PPP2R5C: variants seen among roughly 807,000 people sequenced by gnomAD.
PPP2R5C encodes the protein protein phosphatase 2 regulatory subunit B'gamma.
In PPP2R5C, 7 loss-of-function variants were observed where a neutral mutation model predicts 68.9. The observed-to-expected ratio is 0.10, with a 90% CI of 0.06 to 0.19. PPP2R5C has a LOEUF of 0.19. Ranked by LOEUF, PPP2R5C falls within the 10% of genes least tolerant of loss-of-function variation. The pLI is 1.00. For missense variants in PPP2R5C, 348 were observed against 641.3 expected (o/e 0.54, Z 4.94); for synonymous variants, 210 against 222.2 (o/e 0.95, Z 0.49).
Position 101,916,971 on chromosome 14 carries a change from AAAC to A in PPP2R5C, c.1327-858_1327-856del, listed in dbSNP as rs2046706839. Among the ~76,000 whole-genome samples, 1 of 152,120 alleles carries A rather than the reference AAAC, an allele frequency of 6.6e-6. No individual in the cohort carries two copies. The highest frequency in any genetic ancestry group is 1.5e-5 in the Non-Finnish European group (1 of 68,008). On this transcript the variant is annotated intron_variant, in intron 12 of 13. Transcript: ENST00000334743. The surrounding 1 kb of genome is among the most constrained non-coding windows in gnomAD (Gnocchi z 5.5). The stretch of plus-strand genomic sequence containing the variant: ...GTACACACACACGACCACGCAGGAC[AAAC>A]AGGCGCCCCACACAGTTCCCAGCTC...
At chr14:101,810,007 T>A (rs772434895) in exon 1 of PPP2R5C, 59 of 1,613,888 alleles carry the variant, frequency 3.7e-5, no homozygotes, top group Non-Finnish European at 4.9e-5. Flanking sequence ...AATGGGCCTT[T>A]CCAGCCCGTG....
At chr14:101,776,882 T>C (rs926522321) in intron 2 of PPP2R5C, among the ~76,000 whole-genome samples, 2 of 129,604 alleles carry the variant, frequency 1.5e-5, no homozygotes, top group African/African-American at 6.4e-5. Context: ...CCTCATTCCC[T>C]TTTTTTTTTT....
At chr14:101,827,445 C>T (rs1245440089) in intron 1 of PPP2R5C, among the ~76,000 whole-genome samples, 1 of 152,120 alleles carries the variant, frequency 6.6e-6, no homozygotes, top group African/African-American at 2.4e-5. Context: ...ATCTTGTTTC[C>T]TTAACTGTCT....
intron 1 of PPP2R5C, among the ~76,000 whole-genome samples, chr14:101,853,160 C>A (rs779777517): frequency 1.6e-4 from 24 of 147,878 alleles, no homozygotes; most frequent in Admixed American, 2.7e-4. Context: ...AACTTGTATT[C>A]AAAAAAAAAT....
At position 101,913,715 on chromosome 14, in the gene PPP2R5C, C is replaced by T. The variant is rs1436691802; in HGVS notation, c.1326+1242C>T. Among the ~76,000 whole-genome samples the T allele has an allele frequency of 6.6e-6, 1 of 152,148 alleles. No homozygotes were observed. The highest frequency in any genetic ancestry group is 2.4e-5 in the African/African-American group (1 of 41,438). On this transcript the variant is annotated intron_variant, in intron 12 of 13. Coordinates refer to ENST00000334743, the Ensembl canonical transcript of PPP2R5C. The surrounding 1 kb of genome is among the most constrained non-coding windows in gnomAD (Gnocchi z 4.1). ...AACATGGTAACACTATAAACCTGGG[C>T]AAGTTTATAAGGCCCAGCCCTGCCT...
chr14:101,768,515 AT>A (rs890892644), intron 2 of PPP2R5C, among the ~76,000 whole-genome samples: 18 of 149,508 alleles, frequency 1.2e-4, no homozygotes, highest in Admixed American at 2.0e-4. Flanking sequence ...TGTGGAAAGA[AT>A]TTTTTTTTTT....
chr14:101,893,636 G>C (rs112423665), intron 7 of PPP2R5C, among the ~76,000 whole-genome samples: 3,956 of 152,286 alleles, frequency 0.026, 73 homozygotes, highest in Middle Eastern at 0.092. Flanking sequence ...TGTAATCCCA[G>C]CTCCTCAGGA....
At position 101,771,222 on chromosome 14, in the gene PPP2R5C, C is replaced by CGTGTGTGTGTGT. The variant is rs3993402; in HGVS notation, c.93+8283_93+8294dup. Among the ~76,000 whole-genome samples, 912 of 135,472 alleles carry CGTGTGTGTGTGT rather than the reference C, an allele frequency of 6.7e-3. 9 individuals are homozygous for CGTGTGTGTGTGT. The highest frequency in any genetic ancestry group is 0.011 in the Middle Eastern group (3 of 268). 88.9% of individuals were successfully genotyped at this position (135,472 alleles called of 152,430 possible). ...AGGGCATTTGGCTTTTTCTTCATCT[C>CGTGTGTGTGTGT]GTGTGTGTGTGTGTGTGTGTGTGTG... On this transcript the variant is annotated intron_variant, in intron 2 of 14. Coordinates refer to the PPP2R5C transcript ENST00000328724.
At chr14:101,762,227 G>A (rs1449914718) in intron 1 of PPP2R5C, among the ~76,000 whole-genome samples, 1 of 152,072 alleles carries the variant, frequency 6.6e-6, no homozygotes, top group South Asian at 2.1e-4. Flanking sequence ...TCGGAGGGGC[G>A]CCCGTTTCCG....
intron 3 of PPP2R5C, among the ~76,000 whole-genome samples, chr14:101,793,683 T>C (rs1459475526): frequency 1.3e-5 from 2 of 152,194 alleles, no homozygotes; most frequent in Non-Finnish European, 2.9e-5. Flanking sequence ...AACAGCTCAG[T>C]GGAGGGTCAG....
At chr14:101,807,391 G>GT (rs2039118886), upstream of PPP2R5C, among the ~76,000 whole-genome samples, 1 of 152,116 alleles carries the variant, frequency 6.6e-6, no homozygotes, top group African/African-American at 2.4e-5. Context: ...CAGCTTTATA[G>GT]TTGGTAGGAC....
intron 5 of PPP2R5C, among the ~76,000 whole-genome samples, chr14:101,886,077 C>T (rs943151147): frequency 2.6e-5 from 4 of 151,712 alleles, no homozygotes; most frequent in Non-Finnish European, 5.9e-5. Flanking sequence ...GTCAGGAGAT[C>T]GAGACCATAC....
At chr14:101,865,405 C>G (rs1217690579) in intron 2 of PPP2R5C, among the ~76,000 whole-genome samples, 2 of 152,204 alleles carry the variant, frequency 1.3e-5, no homozygotes, top group African/African-American at 2.4e-5. Flanking sequence ...CCAGAAGAGG[C>G]CTGATGTCTC....
chr14:101,892,903 G>C, intron 6 of PPP2R5C, 97 bp from the exon 9 acceptor site: 1 of 894,768 alleles, frequency 1.1e-6, no homozygotes, highest in Non-Finnish European at 1.7e-6. Flanking sequence ...TGCCTGCTGG[G>C]TTTTGATGGT....
chr14:101,774,152 T>C (rs2037296732), intron 2 of PPP2R5C, among the ~76,000 whole-genome samples: 1 of 152,216 alleles, frequency 6.6e-6, no homozygotes, highest in South Asian at 2.1e-4. Context: ...AGGGTTTCTT[T>C]GTTCACACAG....
upstream of PPP2R5C, among the ~76,000 whole-genome samples, chr14:101,761,077 A>AGGGGAGGGAAGGGAGGGGAGG (rs1566813444): frequency 2.1e-5 from 1 of 47,688 alleles, no homozygotes; most frequent in African/African-American, 9.3e-5. Flanking sequence ...GAGAGGAGGG[A>AGGGGAGGGAAGGGAGGGGAGG]AGGGGAGGGG....
chr14:101,854,739 A>C (rs1053850825), intron 1 of PPP2R5C, among the ~76,000 whole-genome samples: 1 of 152,080 alleles, frequency 6.6e-6, no homozygotes, highest in African/African-American at 2.4e-5. Context: ...GTGAAAGAGC[A>C]CTCTTTATGT....
intron 8 of PPP2R5C, among the ~76,000 whole-genome samples, chr14:101,900,487 G>A (rs751896425): frequency 6.6e-6 from 1 of 152,208 alleles, no homozygotes; most frequent in East Asian, 1.9e-4. Flanking sequence ...TTGCTGTGAC[G>A]AGGCCAAAGA....
In PPP2R5C at chr14:101,907,233, C is replaced by A. The variant is rs569448440; in HGVS notation, c.1151+704C>A. Among the ~76,000 whole-genome samples, 39 of 152,186 alleles carry A rather than the reference C, an allele frequency of 2.6e-4. 1 individual carries two copies. In the South Asian group the frequency reaches 7.9e-3, roughly 31 times the overall value. On this transcript the variant is annotated intron_variant, in intron 10 of 13. Transcript: ENST00000334743. Reference sequence around the variant, plus strand: ...TCCCCCCGGCTGGAGTGTAGTGTCACGATCATGGCTCACTTCAGCCTCGAC... The same window carrying A: ...TCCCCCCGGCTGGAGTGTAGTGTCAAGATCATGGCTCACTTCAGCCTCGAC...
Sources: allele counts gnomAD v4.1 joint callset (sites outside exome capture counted in the v4.1 genomes callset), GRCh38; gene constraint gnomAD v4.1.1; non-coding constraint Gnocchi (gnomAD v3.1); transcripts MANE v1.5; gene names NCBI Gene and HGNC (gene_info 2026-07-23, HGNC 2026-07-21).